Variants in PLEKHD1 observed in about 807,000 individuals in gnomAD.
PLEKHD1 encodes pleckstrin homology and coiled-coil domain containing D1, also known as pleckstrin homology domain-containing family D member 1.
A neutral mutation model predicts 69.2 loss-of-function variants in PLEKHD1; 51 were observed. The observed-to-expected ratio is 0.74, with a 90% CI of 0.59 to 0.93. PLEKHD1 has a LOEUF of 0.93. PLEKHD1 is among the 40% of genes least tolerant of loss of function. The pLI is 0.00. For synonymous variants in PLEKHD1, 236 were observed against 244.7 expected, an observed-to-expected ratio of 0.96 and a Z score of 0.33; for missense variants, 584 against 641.0, an observed-to-expected ratio of 0.91 and a Z score of 0.96.
intron 6 of PLEKHD1, among the ~76,000 whole-genome samples, chr14:69,505,176 C>T (rs1301403492): frequency 6.6e-6 from 1 of 152,166 alleles, no homozygotes; most frequent in East Asian, 1.9e-4. Flanking sequence ...GTGAATGAGA[C>T]TCAGGCCCAG....
intron 5 of PLEKHD1, chr14:69,502,596 A>T: frequency 1.8e-6 from 1 of 556,304 alleles, no homozygotes. Flanking sequence ...ACTTCCAAGG[A>T]TGAGGCCCCT....
upstream of PLEKHD1, among the ~76,000 whole-genome samples, chr14:69,482,092 C>A (rs1353741926): frequency 6.6e-6 from 1 of 152,190 alleles, no homozygotes; most frequent in Non-Finnish European, 1.5e-5. Flanking sequence ...TGCCTCAGAG[C>A]CTTCCTTTCA....
In PLEKHD1 at chr14:69,526,802, G is replaced by A. The variant is rs142088704; in HGVS notation, c.1029G>A (p.Glu343=). ...LQNSLQELTA[E]KQQAERELKA... ...ACTCGCTGCAGGAGCTGACGGCAGAGAAGCAGCAGGCTGAGCGGGAGCTCA... is the reference window on the plus strand; with the variant it reads ...ACTCGCTGCAGGAGCTGACGGCAGAAAAGCAGCAGGCTGAGCGGGAGCTCA... Residue 343 remains glutamate (E), a synonymous_variant, in exon 10 of 13, where the codon GAG becomes GAA. Coordinates refer to ENST00000322564, the MANE Select transcript of PLEKHD1 (RefSeq NM_001161498.2). The A allele has an allele frequency of 2.7e-4, 422 of 1,549,444 alleles. 1 individual carries two copies. In the African/African-American group the frequency reaches 5.3e-3, roughly 20 times the overall value.
At chr14:69,491,564 G>A (rs749972350) in intron 1 of PLEKHD1, among the ~76,000 whole-genome samples, 36 of 152,254 alleles carry the variant, frequency 2.4e-4, no homozygotes, top group South Asian at 6.2e-4. Flanking sequence ...AGTGGCATTC[G>A]CATCTCCAAA....
intron 1 of PLEKHD1, among the ~76,000 whole-genome samples, chr14:69,498,839 G>A (rs371307166): frequency 3.3e-5 from 5 of 151,784 alleles, no homozygotes; most frequent in East Asian, 1.9e-4. Flanking sequence ...GTAGAGATGG[G>A]GTTTCACCAT....
chr14:69,524,220 T>C lies in PLEKHD1; in HGVS notation c.651-9T>C. ...GGGCACTGCCATACCCAGCCCTCTG[T>C]CTCCACAGGGAGCTGGAACTGACTG... On this transcript the variant is annotated splice_polypyrimidine_tract_variant and intron_variant, in intron 7 of 12. Coordinates refer to ENST00000322564, the MANE Select transcript of PLEKHD1 (RefSeq NM_001161498.2). 1.3e-6 allele frequency: 2 copies of C among 1,549,132 alleles called. No individual in the cohort carries two copies. Among genetic ancestry groups the C allele is most frequent in the Non-Finnish European group, 1.7e-6 (2 of 1,144,830 alleles).
At chr14:69,476,418 A>G in the PLEKHD1 span, among the ~76,000 whole-genome samples, 4 of 151,866 alleles carry the variant, frequency 2.6e-5, 1 homozygote, top group East Asian at 7.7e-4. Flanking sequence ...AAAGTTTATT[A>G]GTTAGACGTT....
At chr14:69,517,129 G>T (rs1310646993) in intron 6 of PLEKHD1, among the ~76,000 whole-genome samples, 2 of 152,096 alleles carry the variant, frequency 1.3e-5, no homozygotes, top group South Asian at 2.1e-4. Context: ...GTTCTAGAGT[G>T]GGGGCTGGGG....
chr14:69,472,954 C>A, the PLEKHD1 span, among the ~76,000 whole-genome samples: 1 of 152,146 alleles, frequency 6.6e-6, no homozygotes, highest in South Asian at 2.1e-4. Flanking sequence ...CTACTGTGAA[C>A]TGCACACACA....
intron 6 of PLEKHD1, among the ~76,000 whole-genome samples, chr14:69,515,602 C>T (rs1883367889): frequency 6.6e-6 from 1 of 152,206 alleles, no homozygotes; most frequent in East Asian, 1.9e-4. Context: ...GGCATCTGCA[C>T]AGCTTCTAGG....
intron 6 of PLEKHD1, among the ~76,000 whole-genome samples, chr14:69,508,523 A>G (rs984885237): frequency 6.6e-6 from 1 of 151,850 alleles, no homozygotes; most frequent in African/African-American, 2.4e-5. Flanking sequence ...AAAGTGATCC[A>G]CCTGCCTCAG....
the PLEKHD1 span, among the ~76,000 whole-genome samples, chr14:69,468,440 C>G: frequency 1.3e-5 from 2 of 152,160 alleles, no homozygotes; most frequent in Non-Finnish European, 2.9e-5. Flanking sequence ...CAAATTTCAA[C>G]TGTAATTATC....
chr14:69,493,916 G>T (rs926762702), intron 1 of PLEKHD1, among the ~76,000 whole-genome samples: 3 of 152,226 alleles, frequency 2.0e-5, no homozygotes, highest in Admixed American at 2.0e-4. Context: ...GGGTCTGGAA[G>T]GAGGGATGGG....
chr14:69,472,786 G>T, the PLEKHD1 span, among the ~76,000 whole-genome samples: 127 of 152,250 alleles, frequency 8.3e-4, no homozygotes, highest in Middle Eastern at 3.4e-3. Flanking sequence ...CTATGGCAGG[G>T]GTCCCCAACC....
chr14:69,522,414 G>A (rs767784271), intron 7 of PLEKHD1, 37 bp downstream of exon 7: 3 of 1,545,958 alleles, frequency 1.9e-6, no homozygotes, highest in Non-Finnish European at 2.6e-6. Flanking sequence ...GTGCCACTAA[G>A]TTAGGGCATG....
chr14:69,472,000 A>G, the PLEKHD1 span, among the ~76,000 whole-genome samples: 3 of 152,186 alleles, frequency 2.0e-5, no homozygotes, highest in Admixed American at 2.0e-4. Flanking sequence ...AATGTTTCAC[A>G]CGTTTTTACA....
chr14:69,494,921 C>T (rs1882854237), intron 1 of PLEKHD1, among the ~76,000 whole-genome samples: 1 of 152,188 alleles, frequency 6.6e-6, no homozygotes, highest in South Asian at 2.1e-4. Flanking sequence ...CAGGTGAGCC[C>T]TCCGTTGGGC....
At chr14:69,488,139 T>C (rs1882695493) in intron 1 of PLEKHD1, among the ~76,000 whole-genome samples, 1 of 152,142 alleles carries the variant, frequency 6.6e-6, no homozygotes, top group Non-Finnish European at 1.5e-5. Context: ...GGAGCTAAGA[T>C]TCATTGTGTC....
chr14:69,468,331 T>G, the PLEKHD1 span, among the ~76,000 whole-genome samples: 1 of 152,226 alleles, frequency 6.6e-6, no homozygotes, highest in Non-Finnish European at 1.5e-5. Context: ...TTTACCAGAC[T>G]GCATGTGGCA....
Sources: allele counts gnomAD v4.1 joint callset (sites outside exome capture counted in the v4.1 genomes callset), GRCh38; gene constraint gnomAD v4.1.1; transcripts MANE v1.5; gene names NCBI Gene and HGNC (gene_info 2026-07-23, HGNC 2026-07-21).